SRPX: variants seen among roughly 807,000 people sequenced by gnomAD.
The protein encoded by SRPX is sushi repeat-containing protein SRPX.
SRPX carries 24 observed loss-of-function variants against 38.1 expected under a neutral mutation model. The observed-to-expected ratio is 0.63, with a 90% CI of 0.46 to 0.89. SRPX has a LOEUF of 0.89. Among genes scored for constraint, SRPX ranks in the 40% least tolerant of loss-of-function variants. The pLI is 0.00. For missense variants in SRPX, 416 were observed against 377.8 expected, an observed-to-expected ratio of 1.10 and a Z score of -0.84; for synonymous variants, 184 against 153.8, an observed-to-expected ratio of 1.20 and a Z score of -1.45.
chrX:38,190,277 A>G (rs1022010447), intron 1 of SRPX, among the ~76,000 whole-genome samples: 2 of 112,178 alleles, frequency 1.8e-5, no homozygotes, highest in African/African-American at 6.5e-5. Flanking sequence ...GAGTGTGAAG[A>G]AAGATATTTC....
chrX:38,175,444 A>G (rs1938551957), intron 2 of SRPX, among the ~76,000 whole-genome samples: 1 of 111,951 alleles, frequency 8.9e-6, no homozygotes, highest in Admixed American at 9.4e-5. Flanking sequence ...AAAAACCAAC[A>G]GTTCTGGCCA....
At chrX:38,176,807 A>C (rs991057314) in intron 2 of SRPX, among the ~76,000 whole-genome samples, 1 of 112,052 alleles carries the variant, frequency 8.9e-6, no homozygotes, top group African/African-American at 3.2e-5. Flanking sequence ...AATAATAATA[A>C]AAATAAATAA....
Position 38,149,585 on chromosome X carries a change from T to G in SRPX, c.*126A>C. 1 of 696,599 alleles carries G rather than the reference T, an allele frequency of 1.4e-6. No individual in the cohort carries two copies. The highest frequency in any genetic ancestry group is 2.0e-6 in the Non-Finnish European group (1 of 505,040). The allele number at this position is 696,599 out of a possible 1,213,427, so 57.4% of individuals were successfully genotyped here. A position where few individuals can be genotyped will look rare whatever the true frequency, so the allele number is the denominator to read the frequency against. On this transcript the variant is annotated 3_prime_UTR_variant, in exon 10 of 10. Coordinates refer to ENST00000378533, the MANE Select transcript of SRPX (RefSeq NM_006307.5). ...GCTAATTTTTAAGTGCAAAGAAAGC[T>G]CATAATAAAATAGACTTTTAAAATT...
At chrX:38,217,538 A>G (rs1193039144) in intron 1 of SRPX, among the ~76,000 whole-genome samples, 3 of 112,000 alleles carry the variant, frequency 2.7e-5, no homozygotes, top group Non-Finnish European at 5.6e-5. Flanking sequence ...CAAACTGTGT[A>G]GCCCCCTAAA....
At chrX:38,193,836 A>G (rs1034329265) in intron 1 of SRPX, among the ~76,000 whole-genome samples, 5 of 112,170 alleles carry the variant, frequency 4.5e-5, no homozygotes, top group Non-Finnish European at 9.4e-5. Flanking sequence ...TTAGGATCCT[A>G]TTTCAGGCAG....
rs1339048166 is a variant in SRPX at position 38,161,014 on chromosome X, C to T, written c.694G>A (p.Glu232Lys). The T allele has an allele frequency of 2.9e-5, 35 of 1,208,419 alleles. No individual in the cohort carries two copies. The highest frequency in any genetic ancestry group is 3.8e-5 in the Non-Finnish European group (34 of 894,731). The stretch of plus-strand genomic sequence containing the variant: ...GTGTACTGGATCTTGTGGTCTCCTT[C>T]TGGAAAGTTGGAGCCTGGGGGGAGG... The part of the protein sequence containing the change: ...KGLPPGSNFP[E>K]GDHKIQYTVY... Residue 232 changes from glutamate (E) to lysine (K), a missense_variant, in exon 6 of 10, where the codon GAA becomes AAA. Physicochemically the swap from Glu to Lys is moderately conservative, Grantham distance 56. Coordinates refer to ENST00000378533, the MANE Select transcript of SRPX (RefSeq NM_006307.5).
Position 38,149,836 on chromosome X carries a change from T to C in SRPX, c.1270A>G (p.Met424Val). The change falls in exon 10 of 10, where the codon ATG becomes GTG. Residue 424 changes from methionine to valine, a missense_variant. Met to Val is a conservative substitution (Grantham distance 21, BLOSUM62 1). Coordinates refer to ENST00000378533, the MANE Select transcript of SRPX (RefSeq NM_006307.5). ...AGGGAGACATAGCGCTCTTTGTCCA[T>C]GCCATGCTTATCCACTAGCACCATA... ...FSMVLVDKHG[M>V]DKERYVSLVM... 8.3e-7 allele frequency: 1 copy of C among 1,211,178 alleles called. No homozygotes were observed. Among genetic ancestry groups the C allele is most frequent in the Non-Finnish European group, 1.1e-6 (1 of 895,274 alleles).
chrX:38,178,946 CTTTT>C (rs58878251), intron 1 of SRPX, among the ~76,000 whole-genome samples: 8 of 81,027 alleles, frequency 9.9e-5, no homozygotes, highest in Non-Finnish European at 1.2e-4. Context: ...AGTAAAATTT[CTTTT>C]TTTTTTTTTT....
chrX:38,189,028 A>T (rs757013844), intron 1 of SRPX, among the ~76,000 whole-genome samples: 1 of 111,451 alleles, frequency 9.0e-6, no homozygotes, highest in African/African-American at 3.3e-5. Flanking sequence ...CAGGGCATAG[A>T]TGTTATATCC....
intron 1 of SRPX, among the ~76,000 whole-genome samples, chrX:38,206,144 C>T (rs1427867806): frequency 1.8e-5 from 2 of 112,707 alleles, no homozygotes; most frequent in African/African-American, 6.5e-5. Context: ...CAGCTTCCTG[C>T]TGGAGAGTAA....
chrX:38,180,106 A>T (rs181934036), intron 1 of SRPX, among the ~76,000 whole-genome samples: 9 of 109,934 alleles, frequency 8.2e-5, no homozygotes. Context: ...CATCCAAATT[A>T]AAAAAAAATC....
At chrX:38,168,528 A>C (rs1487194621) in intron 4 of SRPX, among the ~76,000 whole-genome samples, 1 of 112,483 alleles carries the variant, frequency 8.9e-6, no homozygotes, top group South Asian at 3.7e-4. Context: ...AGAATCTTTG[A>C]GCAATAACAT....
Position 38,156,918 on chromosome X carries a change from C to T in SRPX, c.1067G>A (p.Arg356Gln), listed in dbSNP as rs201035330. Residue 356 changes from arginine to glutamine, a missense_variant, in exon 8 of 10, where the codon CGG becomes CAG. Coordinates refer to ENST00000378533, the MANE Select transcript of SRPX (RefSeq NM_006307.5). ...CACCTGCAGCATTCCTAGCTGGAGC[C>T]GGTAAAGGAGGTTTCGGGCTGTGGG... ...STPTARNLLY[R>Q]LQLGMLQQAQ... 91 of 1,209,318 alleles carry T rather than the reference C, an allele frequency of 7.5e-5. No homozygotes were observed. Among genetic ancestry groups the T allele is most frequent in the East Asian group, 4.4e-4 (15 of 33,730 alleles).
chrX:38,189,970 T>C (rs1423488321), intron 1 of SRPX, among the ~76,000 whole-genome samples: 1 of 112,072 alleles, frequency 8.9e-6, no homozygotes, highest in Non-Finnish European at 1.9e-5. Flanking sequence ...TCCATCTCCC[T>C]CAGTGAAGGC....
intron 1 of SRPX, among the ~76,000 whole-genome samples, chrX:38,192,187 T>C (rs761167205): frequency 7.1e-5 from 8 of 112,229 alleles, no homozygotes; most frequent in Non-Finnish European, 1.1e-4. Context: ...GGGAGTCATG[T>C]GGCCTCTCAC....
Position 38,149,625 on chromosome X carries a change from T to C in SRPX, c.*86A>G. The C allele has an allele frequency of 2.2e-6, 2 of 899,813 alleles. No individual in the cohort carries two copies. Among genetic ancestry groups the C allele is most frequent in the Non-Finnish European group, 3.0e-6 (2 of 663,146 alleles). The allele number at this position is 899,813 out of a possible 1,213,427, so 74.2% of individuals were successfully genotyped here. ...CTTTTAAAATTACAAATAAAATCTGTACATCAAGGATATTTTTAAGGCTTT... is the reference window on the plus strand; with the variant it reads ...CTTTTAAAATTACAAATAAAATCTGCACATCAAGGATATTTTTAAGGCTTT... On this transcript the variant is annotated 3_prime_UTR_variant, in exon 10 of 10. Transcript: ENST00000378533.
chrX:38,204,173 A>G (rs1939169965), intron 1 of SRPX, among the ~76,000 whole-genome samples: 1 of 111,944 alleles, frequency 8.9e-6, no homozygotes, highest in Admixed American at 9.5e-5. Context: ...CCCCAAACTG[A>G]TCAGTAGGTG....
intron 1 of SRPX, among the ~76,000 whole-genome samples, chrX:38,194,933 C>T (rs1464585941): frequency 1.1e-5 from 1 of 87,274 alleles, no homozygotes; most frequent in African/African-American, 4.7e-5. Flanking sequence ...AGTGCAGTGG[C>T]GCGATCTTGG....
At chrX:38,177,485 T>G (rs1460634120) in intron 2 of SRPX, among the ~76,000 whole-genome samples, 1 of 110,559 alleles carries the variant, frequency 9.0e-6, no homozygotes, top group Non-Finnish European at 1.9e-5. Flanking sequence ...AAGGGCCATG[T>G]CCTCATCCCA....
Sources: allele counts gnomAD v4.1 joint callset (sites outside exome capture counted in the v4.1 genomes callset), GRCh38; gene constraint gnomAD v4.1.1; transcripts MANE v1.5; gene names NCBI Gene and HGNC (gene_info 2026-07-23, HGNC 2026-07-21).